Variants in ANAPC5 observed in about 807,000 individuals in gnomAD.
The protein encoded by ANAPC5 is anaphase-promoting complex subunit 5.
Under a neutral mutation model 91.3 loss-of-function variants are expected in ANAPC5, and 60 were observed. That is an observed-to-expected ratio of 0.66 (90% confidence interval 0.53 to 0.81). The LOEUF (loss-of-function observed/expected upper bound fraction) is 0.81. ANAPC5 is among the 40% of genes least tolerant of loss of function. The probability of loss-of-function intolerance (pLI) is 0.00; values close to 1 mark genes in which losing one functional copy is unlikely to be tolerated. For missense variants in ANAPC5, 690 were observed against 931.5 expected, an observed-to-expected ratio of 0.74 and a Z score of 3.37; for synonymous variants, 340 against 364.1, an observed-to-expected ratio of 0.93 and a Z score of 0.75.
intron 11 of ANAPC5, among the ~76,000 whole-genome samples, chr12:121,322,086 G>A (rs755464812): frequency 9.8e-4 from 146 of 149,082 alleles, no homozygotes; most frequent in African/African-American, 3.4e-3. Context: ...GGCTGCTCTC[G>A]ATCTCATGAC....
At chr12:121,336,432 C>A (rs1903240445) in intron 6 of ANAPC5, among the ~76,000 whole-genome samples, 1 of 152,154 alleles carries the variant, frequency 6.6e-6, no homozygotes. Context: ...AATCCCAGCA[C>A]TTTGGGAGGC....
In ANAPC5 at chr12:121,308,528, C is replaced by T. The variant is rs1460121372; in HGVS notation, c.2220G>A (p.Leu740=). Residue 740 remains leucine, a synonymous_variant, in exon 17 of 17, where the codon CTG becomes CTA. Coordinates refer to ENST00000261819, the MANE Select transcript of ANAPC5 (RefSeq NM_016237.5). ...RNRCAMLFRQ[L]HQELPSHGVP... ...CCCCATGAGAGGGCAGCTCCTGATG[C>T]AGCTGCCGGAAGAGCATCGCACACC... 6.8e-6 allele frequency: 11 copies of T among 1,614,144 alleles called. No homozygotes were observed. Among genetic ancestry groups the T allele is most frequent in the Non-Finnish European group, 9.3e-6 (11 of 1,179,986 alleles).
chr12:121,320,838 C>T (rs1432748188), intron 11 of ANAPC5: 2 of 156,220 alleles, frequency 1.3e-5, no homozygotes, highest in African/African-American at 2.4e-5. Flanking sequence ...CTCCTGACCT[C>T]GTGATCTGCC....
chr12:121,349,537 G>A (rs1048320772), intron 1 of ANAPC5, among the ~76,000 whole-genome samples: 39 of 151,718 alleles, frequency 2.6e-4, no homozygotes, highest in African/African-American at 8.5e-4. Context: ...TCCAGCCCAG[G>A]TGACTGAGGG....
intron 10 of ANAPC5, chr12:121,328,084 C>A: frequency 2.2e-6 from 1 of 448,876 alleles, no homozygotes; most frequent in East Asian, 3.7e-5. Context: ...GGAGATCACC[C>A]ACCCATTACC....
chr12:121,321,972 T>C (rs1902632027), intron 11 of ANAPC5, among the ~76,000 whole-genome samples: 2 of 150,906 alleles, frequency 1.3e-5, no homozygotes, highest in African/African-American at 4.9e-5. Flanking sequence ...TTCAAGCGAT[T>C]CTCCTGCCTC....
At chr12:121,318,870 A>G (rs1375990974) in intron 13 of ANAPC5, among the ~76,000 whole-genome samples, 1 of 152,108 alleles carries the variant, frequency 6.6e-6, no homozygotes, top group Admixed American at 6.6e-5. Flanking sequence ...AATACAAAAA[A>G]TTAGCTGGGC....
chr12:121,345,928 T>C lies in ANAPC5; in HGVS notation c.501A>G (p.Lys167=), dbSNP rs1903650015. ...ALQQYFQNGE[K]KTVEDADMEL... is the part of the protein sequence containing the mutation. ...CCATATCAGCATCCTCCACTGTCTT[T>C]TTCTCACCATTCTGGAAGTACTGCT... Residue 167 remains lysine, a synonymous_variant, in exon 4 of 17, where the codon AAA becomes AAG. Transcript: ENST00000261819. 1.9e-6 allele frequency: 3 copies of C among 1,614,198 alleles called. No individual in the cohort carries two copies. Among genetic ancestry groups the C allele is most frequent in the Middle Eastern group, 1.6e-4 (1 of 6,062 alleles).
chr12:121,342,003 C>T lies in ANAPC5; in HGVS notation c.657G>A (p.Gln219=), dbSNP rs1555274144. 1 of 1,607,460 alleles carries T rather than the reference C, an allele frequency of 6.2e-7. No homozygotes were observed. Among genetic ancestry groups the T allele is most frequent in the East Asian group, 2.2e-5 (1 of 44,812 alleles). Reference sequence around the variant, plus strand: ...ATGATAAATTACAGAATTCACATACCTGTTGAGAAAGAAAAAATTCTGCTT... The same window carrying T: ...ATGATAAATTACAGAATTCACATACTTGTTGAGAAAGAAAAAATTCTGCTT... ...QKQAEFFLSQ[Q]ASLLKNDETK... is the part of the protein sequence containing the mutation. Residue 219 remains glutamine (Q), a splice_region_variant and synonymous_variant, in exon 5 of 17, where the codon CAG becomes CAA. Coordinates refer to ENST00000261819, the MANE Select transcript of ANAPC5 (RefSeq NM_016237.5). The surrounding 1 kb of genome is among the most constrained non-coding windows in gnomAD (Gnocchi z 4.1).
At chr12:121,339,221 T>C (rs2136803771) in intron 5 of ANAPC5, among the ~76,000 whole-genome samples, 1 of 152,014 alleles carries the variant, frequency 6.6e-6, no homozygotes, top group Middle Eastern at 3.4e-3. Flanking sequence ...GGCTAATTTT[T>C]TGTATTTTCA....
chr12:121,320,531 G>A, intron 11 of ANAPC5, 72 bp from the exon 12 acceptor site: 1 of 1,286,418 alleles, frequency 7.8e-7, no homozygotes, highest in Non-Finnish European at 1.1e-6. Flanking sequence ...ATGCACAGAT[G>A]GTGACAGATT....
chr12:121,343,335 A>G (rs1555274288), intron 4 of ANAPC5, among the ~76,000 whole-genome samples: 1 of 152,244 alleles, frequency 6.6e-6, no homozygotes, highest in East Asian at 1.9e-4. Context: ...GTAGAGAATA[A>G]TAATAGTTAA....
Position 121,347,830 on chromosome 12 carries a change from G to T in ANAPC5, c.259C>A (p.Pro87Thr). The T allele has an allele frequency of 6.2e-7, 1 of 1,613,774 alleles. No individual in the cohort carries two copies. Among genetic ancestry groups the T allele is most frequent in the Middle Eastern group, 1.6e-4 (1 of 6,062 alleles). ...KLYKLIEESC[P>T]QLANSVQIRI... The stretch of plus-strand genomic sequence containing the variant: ...ATCTGCACTGAATTTGCCAGCTGTG[G>T]ACAAGACTCTTCAATTAACTTGTAA... The change falls in exon 2 of 17, where the codon CCA becomes ACA. Residue 87 changes from proline (P) to threonine (T), a missense_variant. Around this residue, in one of 5 missense-constraint regions of ANAPC5, gnomAD observed 238 missense variants for 264.9 expected, o/e 0.90. Transcript: ENST00000261819.
intron 1 of ANAPC5, among the ~76,000 whole-genome samples, chr12:121,350,322 T>C (rs2136825129): frequency 6.6e-6 from 1 of 152,326 alleles, no homozygotes; most frequent in South Asian, 2.1e-4. Flanking sequence ...CCCAGATCTG[T>C]TTCTGCCATC....
In ANAPC5 at chr12:121,347,612, C is replaced by G. The variant is rs1318035685; in HGVS notation, c.287+190G>C. The G allele has an allele frequency of 1.0e-5, 6 of 574,158 alleles. No homozygotes were observed. The African/African-American group carries it at 1.1e-4, about 11-fold the overall frequency. 35.6% of individuals were successfully genotyped at this position (574,158 alleles called of 1,614,324 possible). A position where few individuals can be genotyped will look rare whatever the true frequency, so the allele number is the denominator to read the frequency against. On this transcript the variant is annotated intron_variant, in intron 2 of 16. Coordinates refer to ENST00000261819, the MANE Select transcript of ANAPC5 (RefSeq NM_016237.5). Reference sequence around the variant, plus strand: ...CACCATTGTACTCCAGCCTGGGCAACAGAATGAGACCCTGTCTCCAAAGAA... The same window carrying G: ...CACCATTGTACTCCAGCCTGGGCAAGAGAATGAGACCCTGTCTCCAAAGAA...
chr12:121,318,454 G>T, intron 14 of ANAPC5, 30 bp from the exon 15 acceptor site: 2 of 1,611,368 alleles, frequency 1.2e-6, no homozygotes, highest in Non-Finnish European at 1.7e-6. Flanking sequence ...CACAGGATGA[G>T]AAGATCCACC....
At chr12:121,316,732 C>CAAAAAAA (rs35989752) in intron 15 of ANAPC5, among the ~76,000 whole-genome samples, 360 of 27,524 alleles carry the variant, frequency 0.013, no homozygotes, top group Middle Eastern at 0.026. Context: ...GACTCTGTCT[C>CAAAAAAA]AAAAAAAAAA....
intron 1 of ANAPC5, among the ~76,000 whole-genome samples, chr12:121,348,164 G>C (rs1903743324): frequency 6.6e-6 from 1 of 152,130 alleles, no homozygotes; most frequent in Non-Finnish European, 1.5e-5. Flanking sequence ...GCAAAATTGT[G>C]ACCTCTGAGT....
At chr12:121,339,882 T>G (rs1377075796) in intron 5 of ANAPC5, among the ~76,000 whole-genome samples, 5 of 149,856 alleles carry the variant, frequency 3.3e-5, no homozygotes, top group Non-Finnish European at 5.9e-5. Flanking sequence ...TTTTTTTTTT[T>G]TTTTTTTTTC....
Sources: gnomAD v4.1 joint callset for allele counts (sites outside exome capture counted in the v4.1 genomes callset) on GRCh38, gnomAD v4.1.1 for gene constraint, gnomAD v4.1.1 regional missense constraint, Gnocchi (gnomAD v3.1) non-coding constraint, MANE v1.5 for transcripts, NCBI Gene and HGNC (gene_info 2026-07-23, HGNC 2026-07-21) for gene names.